Variants in TOMM70 observed in about 807,000 individuals in gnomAD.
TOMM70 encodes mitochondrial import receptor subunit TOM70.
In TOMM70, 13 loss-of-function variants were observed where a neutral mutation model predicts 73.6. The observed-to-expected ratio is 0.18, with a 90% CI of 0.11 to 0.28. The LOEUF is 0.28. Ranked by LOEUF, TOMM70 falls within the 10% of genes least tolerant of loss-of-function variation. The pLI, the probability that TOMM70 is intolerant of heterozygous loss-of-function variation, is 1.00. For synonymous variants in TOMM70, 257 were observed against 271.2 expected (o/e 0.95, Z 0.51); for missense variants, 609 against 747.5 (o/e 0.81, Z 2.16).
rs536281270 is a variant in TOMM70, at chr3:100,380,327, G to A, written c.884+1288C>T. Among the ~76,000 whole-genome samples, 87 of 151,080 alleles carry A rather than the reference G, an allele frequency of 5.8e-4. 1 individual carries two copies. The highest frequency in any genetic ancestry group is 2.0e-3 in the African/African-American group (82 of 40,876). On this transcript the variant is annotated intron_variant, in intron 5 of 11. Coordinates refer to ENST00000284320, the MANE Select transcript of TOMM70 (RefSeq NM_014820.5). ...ACCACCACTGCACTCTAGCCTAGGC[G>A]AAAGATACCTCATTATCAAAAAAAA...
intron 5 of TOMM70, among the ~76,000 whole-genome samples, chr3:100,378,209 T>C (rs3772690): frequency 0.047 from 7,058 of 151,448 alleles, 354 homozygotes; most frequent in Admixed American, 0.16. Flanking sequence ...TGCCACTGCA[T>C]TCCAGCCTGG....
Position 100,377,780 on chromosome 3 carries a change from G to A in TOMM70, c.1017C>T (p.Tyr339=). ...AEALLLRATF[Y]LLIGNANAAK... is the part of the protein sequence containing the mutation. Reference sequence around the variant, plus strand: ...CTGCATTGGCATTGCCAATAAGCAGGTAGAAGGTAGCTCGTAGTAGCAATG... The same window carrying A: ...CTGCATTGGCATTGCCAATAAGCAGATAGAAGGTAGCTCGTAGTAGCAATG... Residue 339 remains tyrosine (Y), a synonymous_variant, in exon 6 of 12, where the codon TAC becomes TAT. Transcript: ENST00000284320. 1 of 1,614,172 alleles carries A rather than the reference G, an allele frequency of 6.2e-7. No homozygotes were observed. Among genetic ancestry groups the A allele is most frequent in the Non-Finnish European group, 8.5e-7 (1 of 1,180,036 alleles).
chr3:100,400,580 C>G, intron 1 of TOMM70, 46 bp downstream of exon 1: 1 of 1,582,492 alleles, frequency 6.3e-7, no homozygotes, highest in Non-Finnish European at 8.6e-7. Context: ...CAAGGAAAAG[C>G]TGCACGAGCC....
At position 100,386,895 on chromosome 3, in the gene TOMM70, G is replaced by C; in HGVS notation, c.408C>G (p.Cys136Trp). The C allele has an allele frequency of 6.2e-7, 1 of 1,614,020 alleles. No homozygotes were observed. The highest frequency in any genetic ancestry group is 1.3e-5 in the African/African-American group (1 of 75,044). Residue 136 changes from cysteine (C) to tryptophan (W), a missense_variant, in exon 2 of 12, where the codon TGC becomes TGG. This residue lies in a region of TOMM70 where 432 missense variants were observed against 584.1 expected (regional missense o/e 0.74). Transcript: ENST00000284320. ...KAGKYEQAIQCYTEAISLCPT... is the reference protein window; with the variant it reads ...KAGKYEQAIQWYTEAISLCPT... ...GGCACAAGCTAATAGCCTCAGTATA[G>C]CACTGAATAGCTTGTTCATATTTTC...
rs748899828 is a variant in TOMM70 at position 100,377,722 on chromosome 3, T to C, written c.1075A>G (p.Lys359Glu). The change falls in exon 6 of 12, where the codon AAA (lysine) becomes GAA (glutamate). Residue 359 changes from lysine to glutamate, a missense_variant. Physicochemically the swap from Lys to Glu is moderately conservative, Grantham distance 56. Around this residue, in one of 2 missense-constraint regions of TOMM70, gnomAD observed 432 missense variants for 584.1 expected, o/e 0.74. Transcript: ENST00000284320. ...KPDLDKVISL[K>E]EANVKLRANA... is the part of the protein sequence containing the mutation. ...TAATGTACCTTCACATTAGCTTCTT[T>C]CAAACTGATGACTTTATCTAAATCT... The C allele has an allele frequency of 1.2e-6, 2 of 1,613,058 alleles. No homozygotes were observed. The highest frequency in any genetic ancestry group is 1.7e-6 in the Non-Finnish European group (2 of 1,179,062).
intron 1 of TOMM70, among the ~76,000 whole-genome samples, chr3:100,400,033 C>T (rs967933666): frequency 6.6e-6 from 1 of 152,138 alleles, no homozygotes; most frequent in Non-Finnish European, 1.5e-5. Flanking sequence ...AGTTCAGAGG[C>T]TGTAAAACAA....
Position 100,368,933 on chromosome 3 carries a change from T to C in TOMM70, c.1550+105A>G, listed in dbSNP as rs548090805. The C allele has an allele frequency of 1.5e-4, 115 of 769,338 alleles. 1 individual carries two copies. The highest frequency in any genetic ancestry group is 7.0e-4 in the Admixed American group (26 of 36,914). 47.7% of individuals were successfully genotyped at this position (769,338 alleles called of 1,614,324 possible). On this transcript the variant is annotated intron_variant, in intron 10 of 11. Coordinates refer to ENST00000284320, the MANE Select transcript of TOMM70 (RefSeq NM_014820.5). ...CTAGGAGCATTAAGAAGTTTGTCAATTAACTTCTCTACCACAGTCCCCTTC... is the reference window on the plus strand; with the variant it reads ...CTAGGAGCATTAAGAAGTTTGTCAACTAACTTCTCTACCACAGTCCCCTTC...
intron 1 of TOMM70, among the ~76,000 whole-genome samples, chr3:100,391,505 T>TA (rs869116056): frequency 1.3e-5 from 2 of 151,748 alleles, no homozygotes; most frequent in South Asian, 2.1e-4. Flanking sequence ...TTTAAAAGTT[T>TA]AAAAAAAAAA....
chr3:100,383,873 ACAGT>A (rs1706663674), intron 4 of TOMM70, among the ~76,000 whole-genome samples: 1 of 152,194 alleles, frequency 6.6e-6, no homozygotes, highest in Non-Finnish European at 1.5e-5. Flanking sequence ...ATACACAGTA[ACAGT>A]CAGTCTCTCT....
chr3:100,390,594 A>C (rs1258849968), intron 1 of TOMM70, among the ~76,000 whole-genome samples: 1 of 151,994 alleles, frequency 6.6e-6, no homozygotes, highest in Non-Finnish European at 1.5e-5. Context: ...TTGGGAGGCC[A>C]AGGCAGTAGA....
intron 6 of TOMM70, 142 bp downstream of exon 6, chr3:100,377,563 T>C (rs1191455652): frequency 2.3e-5 from 16 of 691,414 alleles, no homozygotes; most frequent in Non-Finnish European, 3.6e-5. Context: ...ACCAACTACA[T>C]TATTATTAAG....
At chr3:100,391,171 TATAGTAC>T (rs1451566632) in intron 1 of TOMM70, among the ~76,000 whole-genome samples, 2 of 152,154 alleles carry the variant, frequency 1.3e-5, no homozygotes, top group Non-Finnish European at 2.9e-5. Flanking sequence ...TACAATAATG[TATAGTAC>T]ATATACTTGA....
Position 100,400,841 on chromosome 3 carries a change from G to A in TOMM70, c.109C>T (p.Pro37Ser). The change falls in exon 1 of 12, where the codon CCG becomes TCG. Residue 37 changes from proline to serine, a missense_variant. Coordinates refer to ENST00000284320, the MANE Select transcript of TOMM70 (RefSeq NM_014820.5). ...GTAGPGTGGLPRWQLALAVGA... is the reference protein window; with the variant it reads ...GTAGPGTGGLSRWQLALAVGA... ...ACCGCCAGAGCCAGCTGCCATCGCG[G>A]CAGCCCCCCCGTGCCCGGGCCCGCA... 1 of 1,523,542 alleles carries A rather than the reference G, an allele frequency of 6.6e-7. No homozygotes were observed. The highest frequency in any genetic ancestry group is 2.0e-5 in the Admixed American group (1 of 49,024). The allele number at this position is 1,523,542 out of a possible 1,614,324, so 94.4% of individuals were successfully genotyped here. A position where few individuals can be genotyped will look rare whatever the true frequency, so the allele number is the denominator to read the frequency against.
chr3:100,395,837 T>C (rs1015199266), intron 1 of TOMM70, among the ~76,000 whole-genome samples: 6 of 152,120 alleles, frequency 3.9e-5, no homozygotes, highest in African/African-American at 7.2e-5. Flanking sequence ...TTCAAGAGCA[T>C]AGCAGGAAAC....
At position 100,375,005 on chromosome 3, in the gene TOMM70, A is replaced by G; in HGVS notation, c.1227+13T>C. 3 of 1,575,704 alleles carry G rather than the reference A, an allele frequency of 1.9e-6. No individual in the cohort carries two copies. Among genetic ancestry groups the G allele is most frequent in the Non-Finnish European group, 2.6e-6 (3 of 1,160,594 alleles). On this transcript the variant is annotated intron_variant, in intron 7 of 11. Transcript: ENST00000284320. The stretch of plus-strand genomic sequence containing the variant: ...TCCACAAGTCAGACCTCTAGGTAAG[A>G]AAACAGACTTACCTGTCCTCGGTGG...
chr3:100,368,461 G>A (rs185173660), intron 10 of TOMM70, among the ~76,000 whole-genome samples: 253 of 152,232 alleles, frequency 1.7e-3, no homozygotes, highest in Non-Finnish European at 2.5e-3. Context: ...ATTCAAGTAC[G>A]CAAGGACACG....
At chr3:100,375,392 C>A (rs558597317) in intron 6 of TOMM70, among the ~76,000 whole-genome samples, 1 of 152,154 alleles carries the variant, frequency 6.6e-6, no homozygotes, top group South Asian at 2.1e-4. Flanking sequence ...CTCTCCATCC[C>A]CCTCACCTCC....
chr3:100,382,690 T>C (rs901223438), intron 4 of TOMM70, among the ~76,000 whole-genome samples: 2 of 152,198 alleles, frequency 1.3e-5, no homozygotes, highest in South Asian at 4.1e-4. Flanking sequence ...AGATAAATCA[T>C]TAATGTTTTT....
chr3:100,378,900 G>A (rs993232882), intron 5 of TOMM70, among the ~76,000 whole-genome samples: 12 of 151,918 alleles, frequency 7.9e-5, no homozygotes, highest in South Asian at 2.1e-4. Flanking sequence ...CCAGCTACTC[G>A]GGAGGCTGAG....
Sources: allele counts gnomAD v4.1 joint callset (sites outside exome capture counted in the v4.1 genomes callset), GRCh38; gene constraint gnomAD v4.1.1; regional missense constraint gnomAD v4.1.1; transcripts MANE v1.5; gene names NCBI Gene and HGNC (gene_info 2026-07-23, HGNC 2026-07-21).